The following KIF16B variants were observed in gnomAD, a reference collection of about 807,000 sequenced individuals.
KIF16B encodes kinesin family member 16B, also known as kinesin-like protein KIF16B.
A neutral mutation model predicts 156.3 loss-of-function variants in KIF16B; 98 were observed. The observed-to-expected ratio is 0.63, with a 90% CI of 0.53 to 0.74. The LOEUF (loss-of-function observed/expected upper bound fraction) is 0.74, where lower values mean the gene tolerates loss of function less well. KIF16B is among the 30% of genes least tolerant of loss of function. KIF16B has a pLI of 0.00. For synonymous variants in KIF16B, 564 were observed against 583.7 expected (o/e 0.97, Z 0.49); for missense variants, 1,421 against 1,606.5 (o/e 0.88, Z 1.97).
intron 25 of KIF16B, among the ~76,000 whole-genome samples, chr20:16,297,627 C>T (rs773744526): frequency 6.8e-6 from 1 of 146,534 alleles, no homozygotes; most frequent in Admixed American, 7.0e-5. Flanking sequence ...ACCCAGGAGG[C>T]GGAGCTTGCA....
Position 16,506,201 on chromosome 20 carries a change from A to G in KIF16B, c.700-11T>C, listed in dbSNP as rs1331112859. 1.2e-6 allele frequency: 2 copies of G among 1,613,288 alleles called. No individual in the cohort carries two copies. The highest frequency in any genetic ancestry group is 2.2e-5 in the East Asian group (1 of 44,882). ...AGAATCAAATTTAGCCTGTGGTAAAATAAAAAAGTAAAATTGAAGAGGTGC... is the reference window on the plus strand; with the variant it reads ...AGAATCAAATTTAGCCTGTGGTAAAGTAAAAAAGTAAAATTGAAGAGGTGC... On this transcript the variant is annotated splice_polypyrimidine_tract_variant and intron_variant, in intron 7 of 25. Coordinates refer to ENST00000354981, the MANE Select transcript of KIF16B (RefSeq NM_024704.5).
At chr20:16,374,185 G>T in intron 20 of KIF16B, 72 bp downstream of exon 20, 1 of 1,397,726 alleles carries the variant, frequency 7.2e-7, no homozygotes, top group Non-Finnish European at 9.5e-7. Flanking sequence ...ATACAAAGTA[G>T]TTCAACAGAG....
chr20:16,557,267 G>A (rs893857855), intron 1 of KIF16B, among the ~76,000 whole-genome samples: 5 of 151,772 alleles, frequency 3.3e-5, no homozygotes, highest in South Asian at 4.2e-4. Flanking sequence ...TGCAACCTCC[G>A]CCTCCCAGGT....
At chr20:16,572,397 A>C (rs1427799486) in intron 1 of KIF16B, among the ~76,000 whole-genome samples, 1 of 152,230 alleles carries the variant, frequency 6.6e-6, no homozygotes, top group African/African-American at 2.4e-5. Flanking sequence ...GAAGTCAATA[A>C]AATCAAATGG....
chr20:16,571,585 C>T (rs57299878), intron 1 of KIF16B, among the ~76,000 whole-genome samples: 2,983 of 152,150 alleles, frequency 0.02, 82 homozygotes, highest in African/African-American at 0.068. Context: ...GTATCCCAGA[C>T]AGCACCCTGA....
At chr20:16,568,626 C>T (rs952346704) in intron 1 of KIF16B, among the ~76,000 whole-genome samples, 4 of 151,834 alleles carry the variant, frequency 2.6e-5, no homozygotes, top group Non-Finnish European at 5.9e-5. Context: ...CCAGCCTGGG[C>T]GACACAGGGA....
chr20:16,361,018 C>G (rs998724017), intron 22 of KIF16B, among the ~76,000 whole-genome samples: 5 of 152,162 alleles, frequency 3.3e-5, no homozygotes, highest in African/African-American at 9.7e-5. Context: ...CACATCATGA[C>G]AAGGTCTGGC....
intron 25 of KIF16B, among the ~76,000 whole-genome samples, chr20:16,294,045 T>G (rs950822216): frequency 6.6e-5 from 10 of 151,834 alleles, no homozygotes; most frequent in Non-Finnish European, 1.5e-4. Context: ...AATACAAAAA[T>G]GGAAGAAAAT....
chr20:16,383,676 TC>T (rs2065159758), intron 17 of KIF16B, among the ~76,000 whole-genome samples: 1 of 152,226 alleles, frequency 6.6e-6, no homozygotes, highest in South Asian at 2.1e-4. Context: ...TCTTCATACT[TC>T]AGTAGAGTTT....
At chr20:16,489,693 T>C (rs1201017363) in intron 12 of KIF16B, among the ~76,000 whole-genome samples, 2 of 137,108 alleles carry the variant, frequency 1.5e-5, no homozygotes, top group East Asian at 2.0e-4. Context: ...TAAAATCCTG[T>C]CTCAAAAAAA....
intron 25 of KIF16B, among the ~76,000 whole-genome samples, chr20:16,283,652 C>T (rs1049905199): frequency 2.0e-5 from 3 of 152,314 alleles, no homozygotes; most frequent in African/African-American, 7.2e-5. Context: ...CAGTTTTCTA[C>T]AGCTGCACAA....
At chr20:16,547,090 A>C (rs2070439482) in intron 1 of KIF16B, among the ~76,000 whole-genome samples, 1 of 152,092 alleles carries the variant, frequency 6.6e-6, no homozygotes, top group African/African-American at 2.4e-5. Context: ...ACTTATTTTT[A>C]AATTCTTGTG....
At chr20:16,315,465 T>C (rs1568843008) in intron 24 of KIF16B, among the ~76,000 whole-genome samples, 1 of 152,188 alleles carries the variant, frequency 6.6e-6, no homozygotes, top group Non-Finnish European at 1.5e-5. Flanking sequence ...AAGGAGCGTC[T>C]GCAGTGCATG....
chr20:16,360,856 A>G (rs1374103370), intron 22 of KIF16B, among the ~76,000 whole-genome samples: 1 of 152,234 alleles, frequency 6.6e-6, no homozygotes, highest in Admixed American at 6.5e-5. Flanking sequence ...TTCAAAAGGA[A>G]CAAATTGAGG....
At chr20:16,446,715 A>G (rs2066940779) in intron 12 of KIF16B, among the ~76,000 whole-genome samples, 1 of 152,194 alleles carries the variant, frequency 6.6e-6, no homozygotes, top group South Asian at 2.1e-4. Flanking sequence ...TAAATTCTAA[A>G]CAGGGAAAAT....
intron 1 of KIF16B, among the ~76,000 whole-genome samples, chr20:16,552,966 G>A (rs1358341599): frequency 2.0e-5 from 3 of 151,814 alleles, no homozygotes; most frequent in East Asian, 1.9e-4. Flanking sequence ...GGGTTTCATC[G>A]TGTTGGTCAG....
intron 6 of KIF16B, 130 bp downstream of exon 6, chr20:16,511,288 T>G (rs1291687545): frequency 6.1e-6 from 3 of 489,820 alleles, no homozygotes; most frequent in African/African-American, 5.9e-5. Context: ...CTCATGACAT[T>G]CTTACTATAA....
chr20:16,452,330 A>T (rs1000475468), intron 12 of KIF16B, among the ~76,000 whole-genome samples: 1 of 152,166 alleles, frequency 6.6e-6, no homozygotes, highest in African/African-American at 2.4e-5. Context: ...TCATGCTAAC[A>T]GAAAATTCAG....
chr20:16,456,593 C>T (rs1482865451), intron 12 of KIF16B, among the ~76,000 whole-genome samples: 1 of 152,148 alleles, frequency 6.6e-6, no homozygotes, highest in Non-Finnish European at 1.5e-5. Context: ...TCGCTAACAT[C>T]ATAAAGGCTA....
Sources: gnomAD v4.1 joint callset for allele counts (sites outside exome capture counted in the v4.1 genomes callset) on GRCh38, gnomAD v4.1.1 for gene constraint, MANE v1.5 for transcripts, NCBI Gene and HGNC (gene_info 2026-07-23, HGNC 2026-07-21) for gene names.